The following MMP16 variants were observed in gnomAD, a reference collection of about 807,000 sequenced individuals.
The protein encoded by MMP16 is matrix metalloproteinase-16.
A neutral mutation model predicts 67.8 loss-of-function variants in MMP16; 12 were observed. That is an observed-to-expected ratio of 0.18 (90% CI 0.11 to 0.29). The LOEUF (loss-of-function observed/expected upper bound fraction) is 0.29, where lower values mean the gene tolerates loss of function less well. Among genes scored for constraint, MMP16 ranks in the 10% least tolerant of loss-of-function variants. MMP16 has a pLI of 1.00. For missense variants in MMP16, 475 were observed against 765.7 expected (o/e 0.62, Z 4.48); for synonymous variants, 249 against 255.9 (o/e 0.97, Z 0.26).
At chr8:88,302,914 C>A (rs1307490129) in intron 1 of MMP16, among the ~76,000 whole-genome samples, 4 of 152,160 alleles carry the variant, frequency 2.6e-5, no homozygotes, top group Non-Finnish European at 4.4e-5. Flanking sequence ...TGGCATGGAT[C>A]CAAAGGAACT....
intron 1 of MMP16, among the ~76,000 whole-genome samples, chr8:88,239,158 G>A (rs1167279208): frequency 6.6e-6 from 1 of 151,864 alleles, no homozygotes; most frequent in Non-Finnish European, 1.5e-5. Flanking sequence ...AAGCAGGCGT[G>A]GTGGCGCTTG....
At chr8:88,059,335 G>A (rs1399906226) in intron 7 of MMP16, among the ~76,000 whole-genome samples, 3 of 151,972 alleles carry the variant, frequency 2.0e-5, no homozygotes, top group Admixed American at 2.0e-4. Context: ...CAGTGTTAAA[G>A]ACAAAAGTAA....
intron 1 of MMP16, among the ~76,000 whole-genome samples, chr8:88,255,488 C>T (rs781730959): frequency 3.3e-5 from 5 of 152,254 alleles, no homozygotes; most frequent in African/African-American, 4.8e-5. Context: ...AAGACACACA[C>T]ACAAATTGGT....
At chr8:88,264,372 A>T (rs1810442048) in intron 1 of MMP16, among the ~76,000 whole-genome samples, 1 of 152,040 alleles carries the variant, frequency 6.6e-6, no homozygotes, top group African/African-American at 2.4e-5. Context: ...GCTGATTTTT[A>T]AAAATTTTTT....
At chr8:88,249,789 G>A (rs966834994) in intron 1 of MMP16, among the ~76,000 whole-genome samples, 5 of 152,050 alleles carry the variant, frequency 3.3e-5, no homozygotes, top group African/African-American at 1.2e-4. Context: ...GGAAATCCAT[G>A]AGAAATAGGA....
intron 1 of MMP16, among the ~76,000 whole-genome samples, chr8:88,269,218 T>C (rs1040174132): frequency 9.8e-5 from 15 of 152,304 alleles, no homozygotes; most frequent in Admixed American, 7.2e-4. Flanking sequence ...TCATGGAAAA[T>C]AGTACTATGT....
intron 1 of MMP16, among the ~76,000 whole-genome samples, chr8:88,322,847 C>T (rs1811481841): frequency 1.3e-5 from 2 of 151,992 alleles, no homozygotes; most frequent in South Asian, 4.2e-4. Context: ...AGTGATCCGG[C>T]CCAGGCAACT....
Position 88,036,041 on chromosome 8 carries a change from A to G in MMP16, c.*5420T>C, listed in dbSNP as rs1256458561. On this transcript the variant is annotated 3_prime_UTR_variant, in exon 10 of 10. Coordinates refer to ENST00000286614, the MANE Select transcript of MMP16 (RefSeq NM_005941.5). ...AGGCAACTTCTTTGCTACTACGCCA[A>G]GTGTCTTAGATTACATGAGTATTGA... 1 of 151,984 alleles carries G rather than the reference A, an allele frequency of 6.6e-6. No individual in the cohort carries two copies. The highest frequency in any genetic ancestry group is 1.5e-5 in the Non-Finnish European group (1 of 67,872). 9.4% of individuals were successfully genotyped at this position (151,984 alleles called of 1,614,324 possible).
intron 8 of MMP16, among the ~76,000 whole-genome samples, chr8:88,048,317 G>A (rs556255835): frequency 9.2e-5 from 14 of 152,280 alleles, no homozygotes; most frequent in South Asian, 4.1e-4. Context: ...AGGCTAGTCC[G>A]TGAGCCACTT....
At chr8:88,228,634 AC>A (rs1809808792) in intron 1 of MMP16, among the ~76,000 whole-genome samples, 1 of 152,110 alleles carries the variant, frequency 6.6e-6, no homozygotes, top group Admixed American at 6.6e-5. Flanking sequence ...ATAACTTCAC[AC>A]ATCTGAGAGT....
chr8:88,106,720 A>T (rs970817907), intron 6 of MMP16, among the ~76,000 whole-genome samples: 3 of 151,252 alleles, frequency 2.0e-5, no homozygotes, highest in African/African-American at 4.8e-5. Flanking sequence ...AGTATGTATG[A>T]GTTACTTATT....
chr8:88,059,227 A>G (rs1469992096), intron 7 of MMP16, among the ~76,000 whole-genome samples: 1 of 152,126 alleles, frequency 6.6e-6, no homozygotes. Flanking sequence ...CACAGAAGAT[A>G]AAGAGTAACC....
intron 1 of MMP16, among the ~76,000 whole-genome samples, chr8:88,326,014 T>C (rs1301178126): frequency 6.6e-6 from 1 of 152,154 alleles, no homozygotes; most frequent in Non-Finnish European, 1.5e-5. Context: ...CCCAGCAAAA[T>C]GACAATAAGC....
chr8:88,038,173 T>C lies in MMP16; in HGVS notation c.*3288A>G, dbSNP rs542841904. 1.2e-4 allele frequency: 18 copies of C among 152,180 alleles called. No individual in the cohort carries two copies. Among genetic ancestry groups the C allele is most frequent in the African/African-American group, 4.1e-4 (17 of 41,572 alleles). The allele number at this position is 152,180 out of a possible 1,614,324, so 9.4% of individuals were successfully genotyped here. On this transcript the variant is annotated 3_prime_UTR_variant, in exon 10 of 10. Coordinates refer to ENST00000286614, the MANE Select transcript of MMP16 (RefSeq NM_005941.5). This position sits in a 1 kb window ranked among gnomAD's most constrained non-coding sequence, Gnocchi z 4.1. ...GGAACCATACCCACAAAGTAGCTGG[T>C]GTACAATAAACAAATGGAATCCCAC...
chr8:88,198,130 G>A (rs961608250), intron 1 of MMP16, among the ~76,000 whole-genome samples: 1 of 152,090 alleles, frequency 6.6e-6, no homozygotes, highest in African/African-American at 2.4e-5. Flanking sequence ...AGTCATTTAA[G>A]GTTAAATTTT....
chr8:88,275,211 T>C (rs2129981347), intron 1 of MMP16, among the ~76,000 whole-genome samples: 1 of 151,986 alleles, frequency 6.6e-6, no homozygotes, highest in East Asian at 1.9e-4. Context: ...TGAATCTAAG[T>C]AAAGATTAAA....
chr8:88,236,608 T>A (rs1390522772), intron 1 of MMP16, among the ~76,000 whole-genome samples: 1 of 151,446 alleles, frequency 6.6e-6, no homozygotes, highest in East Asian at 1.9e-4. Context: ...ATTAGTGGGG[T>A]GTGGTGGGCG....
chr8:88,309,365 A>G (rs1344917515), intron 1 of MMP16, among the ~76,000 whole-genome samples: 1 of 151,998 alleles, frequency 6.6e-6, no homozygotes, highest in Non-Finnish European at 1.5e-5. Context: ...AAAAATATAC[A>G]GAACATTATA....
intron 4 of MMP16, among the ~76,000 whole-genome samples, chr8:88,151,769 C>T (rs1464710129): frequency 6.6e-6 from 1 of 150,746 alleles, no homozygotes; most frequent in African/African-American, 2.5e-5. Flanking sequence ...CAGGAAAGAT[C>T]CAAAATTGAC....
Sources: gnomAD v4.1 joint callset for allele counts (sites outside exome capture counted in the v4.1 genomes callset) on GRCh38, gnomAD v4.1.1 for gene constraint, Gnocchi (gnomAD v3.1) non-coding constraint, MANE v1.5 for transcripts, NCBI Gene and HGNC (gene_info 2026-07-23, HGNC 2026-07-21) for gene names.